AUTS2: variants seen among roughly 807,000 people sequenced by gnomAD.
AUTS2 encodes autism susceptibility gene 2 protein.
In AUTS2, 17 loss-of-function variants were observed where a neutral mutation model predicts 112.4. That is an observed-to-expected ratio of 0.15 (90% CI 0.10 to 0.23). The LOEUF (loss-of-function observed/expected upper bound fraction) is 0.23. Among genes scored for constraint, AUTS2 ranks in the 10% least tolerant of loss-of-function variants. AUTS2 has a pLI of 1.00. For missense variants in AUTS2, 1,510 were observed against 1,701.6 expected (o/e 0.89, Z 1.98); for synonymous variants, 751 against 702.7 (o/e 1.07, Z -1.09).
chr7:69,650,595 C>T (rs2129132280), intron 1 of AUTS2, among the ~76,000 whole-genome samples: 1 of 152,254 alleles, frequency 6.6e-6, no homozygotes, highest in Non-Finnish European at 1.5e-5. Context: ...ATTTGTGAGG[C>T]CCCTTATTTA....
chr7:69,725,528 G>C (rs1385908223), intron 1 of AUTS2, among the ~76,000 whole-genome samples: 2 of 152,104 alleles, frequency 1.3e-5, no homozygotes, highest in Non-Finnish European at 2.9e-5. Flanking sequence ...AAAAAGGCAG[G>C]GTTGACATTC....
intron 1 of AUTS2, among the ~76,000 whole-genome samples, chr7:69,829,939 A>T (rs2129527372): frequency 6.6e-6 from 1 of 152,320 alleles, no homozygotes; most frequent in Middle Eastern, 3.4e-3. Context: ...ATGCACACAT[A>T]TGTTTATTGC....
chr7:70,376,511 AT>A (rs766956489), intron 4 of AUTS2, among the ~76,000 whole-genome samples: 1 of 151,886 alleles, frequency 6.6e-6, no homozygotes, highest in Non-Finnish European at 1.5e-5. Flanking sequence ...ATGGGGGGAT[AT>A]CCTGGGTGGG....
intron 1 of AUTS2, among the ~76,000 whole-genome samples, chr7:69,652,170 T>C (rs527935322): frequency 6.6e-6 from 1 of 152,278 alleles, no homozygotes; most frequent in South Asian, 2.1e-4. Flanking sequence ...ATTGCTCTTA[T>C]ACTCTCTATG....
intron 5 of AUTS2, among the ~76,000 whole-genome samples, chr7:70,470,929 CTTTACGGGGAATCA>C (rs1490828311): frequency 6.6e-6 from 1 of 152,138 alleles, no homozygotes; most frequent in Non-Finnish European, 1.5e-5. Flanking sequence ...TCCTGGATAT[CTTTACGGGGAATCA>C]TTCCCGGGGA....
chr7:69,629,444 G>A (rs1794122674), intron 1 of AUTS2, among the ~76,000 whole-genome samples: 1 of 152,164 alleles, frequency 6.6e-6, no homozygotes, highest in African/African-American at 2.4e-5. Flanking sequence ...GGGTCATACA[G>A]GTAGCTGAGC....
intron 2 of AUTS2, among the ~76,000 whole-genome samples, chr7:69,959,159 G>A (rs1181628963): frequency 2.6e-5 from 4 of 152,088 alleles, no homozygotes; most frequent in African/African-American, 4.8e-5. Flanking sequence ...TCTCTACCCT[G>A]TCCTTCCTAA....
At chr7:70,599,939 C>T (rs1803389668) in intron 5 of AUTS2, among the ~76,000 whole-genome samples, 1 of 152,194 alleles carries the variant, frequency 6.6e-6, no homozygotes, top group South Asian at 2.1e-4. Context: ...TTGGGAGAAG[C>T]TCTATTCTGG....
chr7:70,382,642 T>C (rs1248731712), intron 4 of AUTS2, among the ~76,000 whole-genome samples: 1 of 152,114 alleles, frequency 6.6e-6, no homozygotes, highest in African/African-American at 2.4e-5. Flanking sequence ...CCTTTGCCCA[T>C]TGTGTTTCTA....
In AUTS2 at chr7:70,261,052, G is replaced by T. The variant is rs902232140; in HGVS notation, c.660+126481G>T. 6.2e-4 allele frequency among the ~76,000 whole-genome samples: 94 copies of T among 152,114 alleles called. 1 individual carries two copies. Among genetic ancestry groups the T allele is most frequent in the Non-Finnish European group, 2.8e-4 (19 of 67,984 alleles). ...GTGAGCCACCGCGCCCGGCCAACCT[G>T]TACACTTTTTGTAATAGCCAAAAAC... On this transcript the variant is annotated intron_variant, in intron 4 of 18. Transcript: ENST00000342771.
chr7:69,921,295 T>A (rs1462707296), intron 2 of AUTS2, among the ~76,000 whole-genome samples: 1 of 151,900 alleles, frequency 6.6e-6, no homozygotes, highest in African/African-American at 2.4e-5. Context: ...TGAAGAAATG[T>A]ATGTCTTCTG....
chr7:69,630,754 A>G (rs754562356), intron 1 of AUTS2, among the ~76,000 whole-genome samples: 8 of 152,180 alleles, frequency 5.3e-5, no homozygotes, highest in Non-Finnish European at 8.8e-5. Context: ...CATGGACTTT[A>G]AACAATTAAA....
chr7:70,125,076 C>T (rs1296950939), intron 3 of AUTS2, among the ~76,000 whole-genome samples: 2 of 152,048 alleles, frequency 1.3e-5, no homozygotes, highest in Non-Finnish European at 2.9e-5. Context: ...GGACCTGTTT[C>T]TATTGGTTGT....
chr7:70,627,125 C>A (rs1804992638), intron 5 of AUTS2, among the ~76,000 whole-genome samples: 1 of 152,240 alleles, frequency 6.6e-6, no homozygotes, highest in African/African-American at 2.4e-5. Flanking sequence ...AATTTACCTT[C>A]CCACCAGCAG....
At chr7:70,252,966 C>A (rs971100753) in intron 4 of AUTS2, among the ~76,000 whole-genome samples, 1 of 152,152 alleles carries the variant, frequency 6.6e-6, no homozygotes, top group Non-Finnish European at 1.5e-5. Flanking sequence ...CAGTACCATA[C>A]CTTTATGATC....
intron 4 of AUTS2, among the ~76,000 whole-genome samples, chr7:70,330,567 C>T (rs1790695765): frequency 1.3e-5 from 2 of 152,130 alleles, no homozygotes; most frequent in African/African-American, 2.4e-5. Context: ...TATAAGTCTT[C>T]CAACTTTTTT....
intron 1 of AUTS2, among the ~76,000 whole-genome samples, chr7:69,646,898 A>C (rs1236902001): frequency 2.0e-5 from 3 of 152,178 alleles, no homozygotes; most frequent in Non-Finnish European, 4.4e-5. Context: ...CATCCTGGCT[A>C]ACACGGTGAA....
chr7:70,303,209 G>A (rs540216696), intron 4 of AUTS2, among the ~76,000 whole-genome samples: 1 of 152,126 alleles, frequency 6.6e-6, no homozygotes, highest in African/African-American at 2.4e-5. Context: ...GGGGAGGAAC[G>A]GCCATCCACA....
At chr7:70,161,346 A>G (rs1205415239) in intron 4 of AUTS2, among the ~76,000 whole-genome samples, 1 of 151,020 alleles carries the variant, frequency 6.6e-6, no homozygotes. Flanking sequence ...TCTTTATTCT[A>G]TGTTAAATAT....
Sources: allele counts gnomAD v4.1 joint callset (sites outside exome capture counted in the v4.1 genomes callset), GRCh38; gene constraint gnomAD v4.1.1; transcripts MANE v1.5; gene names NCBI Gene and HGNC (gene_info 2026-07-23, HGNC 2026-07-21).